The following ADAMTS9 variants were observed in gnomAD, a reference collection of about 807,000 sequenced individuals.
ADAMTS9 encodes the protein A disintegrin and metalloproteinase with thrombospondin motifs 9.
ADAMTS9 carries 107 observed loss-of-function variants against 257.1 expected under a neutral mutation model. The ratio of observed to expected loss-of-function variants is 0.42; its 90% CI spans 0.36 to 0.49. The LOEUF is 0.49. Among genes scored for constraint, ADAMTS9 ranks in the 20% least tolerant of loss-of-function variants. The pLI, the probability that ADAMTS9 is intolerant of heterozygous loss-of-function variation, is 0.03. For synonymous variants in ADAMTS9, 982 were observed against 880.9 expected (o/e 1.11, Z -2.03); for missense variants, 2,353 against 2,469.1 (o/e 0.95, Z 1.00).
chr3:64,654,819 TTTC>T, intron 6 of ADAMTS9: 1 of 584,838 alleles, frequency 1.7e-6, no homozygotes, highest in South Asian at 2.3e-5. Context: ...ATTAAGAAGT[TTTC>T]TTCTGTGGTC....
In ADAMTS9 at chr3:64,621,340, G is replaced by A. The variant is rs1049634282; in HGVS notation, c.2687-100C>T. 7.5e-6 allele frequency: 10 copies of A among 1,331,210 alleles called. No homozygotes were observed. In the African/African-American group the frequency reaches 1.0e-4, roughly 14 times the overall value. 82.5% of individuals were successfully genotyped at this position (1,331,210 alleles called of 1,614,324 possible). ...AGCATTTTCTCTAAAGAGCCAGACAGTAAATATCTTCAGAGCGTATGATCT... is the reference window on the plus strand; with the variant it reads ...AGCATTTTCTCTAAAGAGCCAGACAATAAATATCTTCAGAGCGTATGATCT... On this transcript the variant is annotated intron_variant, in intron 18 of 39. Coordinates refer to ENST00000498707, the MANE Select transcript of ADAMTS9 (RefSeq NM_182920.2).
chr3:64,529,569 C>T (rs966721331), intron 38 of ADAMTS9, among the ~76,000 whole-genome samples: 1 of 152,184 alleles, frequency 6.6e-6, no homozygotes, highest in Non-Finnish European at 1.5e-5. Flanking sequence ...GCCACAGGCC[C>T]TCGGGGGCCA....
intron 30 of ADAMTS9, among the ~76,000 whole-genome samples, chr3:64,560,956 A>G (rs1170775501): frequency 6.6e-6 from 1 of 152,126 alleles, no homozygotes; most frequent in Non-Finnish European, 1.5e-5. Flanking sequence ...ACTTTTCCCC[A>G]TGGACACAAT....
rs551347904 is a variant in ADAMTS9 at position 64,537,332 on chromosome 3, T to G, written c.5613+1871A>C. On this transcript the variant is annotated intron_variant, in intron 37 of 39. Coordinates refer to ENST00000498707, the MANE Select transcript of ADAMTS9 (RefSeq NM_182920.2). Reference sequence around the variant, plus strand: ...GGATGTGCATATAGAAACAAGAAAATCCTGAGACATTTGAAAAAGGCAGGA... The same window carrying G: ...GGATGTGCATATAGAAACAAGAAAAGCCTGAGACATTTGAAAAAGGCAGGA... Among the ~76,000 whole-genome samples, 11 of 152,184 alleles carry G rather than the reference T, an allele frequency of 7.2e-5. No individual in the cohort carries two copies. The East Asian group carries it at 1.9e-3, about 27-fold the overall frequency.
intron 11 of ADAMTS9, 47 bp downstream of exon 11, chr3:64,647,893 G>T (rs1188528906): frequency 5.2e-6 from 8 of 1,542,962 alleles, no homozygotes; most frequent in Middle Eastern, 1.7e-4. Flanking sequence ...CCAAAATCTT[G>T]CACATTTCTG....
intron 28 of ADAMTS9, among the ~76,000 whole-genome samples, chr3:64,569,899 T>C (rs1262044759): frequency 6.6e-6 from 1 of 152,170 alleles, no homozygotes; most frequent in Non-Finnish European, 1.5e-5. Flanking sequence ...GAAATATCTA[T>C]ACCAAAACAA....
rs763051413 is a variant in ADAMTS9 at position 64,568,371 on chromosome 3, A to T, written c.4521T>A (p.Ser1507Arg). 2.5e-6 allele frequency: 4 copies of T among 1,608,800 alleles called. No individual in the cohort carries two copies. Among genetic ancestry groups the T allele is most frequent in the Non-Finnish European group, 3.4e-6 (4 of 1,178,546 alleles). ...RCPKWKAGAW[S>R]QCSVSCGRGV... ...GTAGAGGAGAAGCATTGCTCACCTG[A>T]CTCCAAGCGCCAGCTTTCCATTTGG... Residue 1507 changes from serine to arginine, a missense_variant, in exon 29 of 40, where the codon AGT (serine) becomes AGA (arginine). Physicochemically the swap from Ser to Arg is moderately radical, Grantham distance 110 (BLOSUM62 -1). Transcript: ENST00000498707.
chr3:64,539,300 G>C lies in ADAMTS9; in HGVS notation c.5522-6C>G. 1 of 1,612,638 alleles carries C rather than the reference G, an allele frequency of 6.2e-7. No individual in the cohort carries two copies. The highest frequency in any genetic ancestry group is 1.3e-5 in the African/African-American group (1 of 75,038). On this transcript the variant is annotated splice_polypyrimidine_tract_variant and splice_region_variant and intron_variant, in intron 36 of 39. Transcript: ENST00000498707. ...TGCAAACTGTAAGTCAGTGGCTGTG[G>C]GGTGGAGAAGGGGTTAAAGGCAGGG...
rs1701141963 is a variant in ADAMTS9, at chr3:64,658,574, C to T, written c.897G>A (p.Val299=). 3 of 1,614,118 alleles carry T rather than the reference C, an allele frequency of 1.9e-6. No individual in the cohort carries two copies. Among genetic ancestry groups the T allele is most frequent in the Non-Finnish European group, 1.7e-6 (2 of 1,180,012 alleles). The change falls in exon 4 of 40, where the codon GTG becomes GTA. Residue 299 remains valine (V), a synonymous_variant. Transcript: ENST00000498707. The part of the protein sequence containing the change: ...LSYPRFVEVL[V]VADNRMVSYH... ...ATGAAACCATTCTGTTGTCTGCCACCACCAAGACTTCTACAAACCGTGGAT... is the reference window on the plus strand; with the variant it reads ...ATGAAACCATTCTGTTGTCTGCCACTACCAAGACTTCTACAAACCGTGGAT...
chr3:64,631,409 G>A, intron 16 of ADAMTS9, 46 bp downstream of exon 16: 1 of 1,476,426 alleles, frequency 6.8e-7, no homozygotes, highest in Non-Finnish European at 9.5e-7. Context: ...TCTGGCCACT[G>A]CTCCATAGAA....
At chr3:64,629,409 C>A (rs527798274) in intron 16 of ADAMTS9, among the ~76,000 whole-genome samples, 1 of 152,304 alleles carries the variant, frequency 6.6e-6, no homozygotes, top group Non-Finnish European at 1.5e-5. Context: ...CTTGTTTAAC[C>A]TTACCTAGGA....
intron 31 of ADAMTS9, among the ~76,000 whole-genome samples, chr3:64,548,690 G>A (rs114041680): frequency 1.3e-3 from 204 of 152,202 alleles, no homozygotes; most frequent in African/African-American, 4.8e-3. Flanking sequence ...TCTCTATAAA[G>A]AAGCTGGCAA....
At chr3:64,539,143 A>G in intron 37 of ADAMTS9, 60 bp downstream of exon 37, 1 of 1,477,892 alleles carries the variant, frequency 6.8e-7, no homozygotes. Context: ...GCAACTGAGG[A>G]TGTTCCCGGG....
At chr3:64,576,340 C>T (rs1359856652) in intron 28 of ADAMTS9, among the ~76,000 whole-genome samples, 1 of 152,200 alleles carries the variant, frequency 6.6e-6, no homozygotes, top group East Asian at 1.9e-4. Flanking sequence ...TCCACAGTCA[C>T]TCACTTCCCT....
At chr3:64,604,367 T>G (rs1279552143) in intron 23 of ADAMTS9, 36 bp from the exon 24 acceptor site, 1 of 1,424,198 alleles carries the variant, frequency 7.0e-7, no homozygotes, top group East Asian at 2.3e-5. Flanking sequence ...CAAAGTCACT[T>G]TCAAGTCAAT....
At chr3:64,670,974 A>G (rs938269501) in intron 3 of ADAMTS9, among the ~76,000 whole-genome samples, 1 of 152,220 alleles carries the variant, frequency 6.6e-6, no homozygotes, top group Non-Finnish European at 1.5e-5. Flanking sequence ...TTTGAAAAAT[A>G]TATTGGCAGT....
At position 64,539,186 on chromosome 3, in the gene ADAMTS9, A is replaced by G. The variant is rs1444969589; in HGVS notation, c.5613+17T>C. 3.1e-6 allele frequency: 5 copies of G among 1,601,246 alleles called. No individual in the cohort carries two copies. The Middle Eastern group carries it at 5.0e-4, about 159-fold the overall frequency. ...GGAGGTGAATCCCTGGCAAGGGGGA[A>G]GGCACCAAGGACATACCTGTGGGCA... On this transcript the variant is annotated intron_variant, in intron 37 of 39. Coordinates refer to ENST00000498707, the MANE Select transcript of ADAMTS9 (RefSeq NM_182920.2).
At chr3:64,676,515 T>G (rs1039729622) in intron 3 of ADAMTS9, among the ~76,000 whole-genome samples, 5 of 121,694 alleles carry the variant, frequency 4.1e-5, no homozygotes, top group Non-Finnish European at 7.0e-5. Context: ...AAATAGAGTT[T>G]ATCATTAAAA....
intron 19 of ADAMTS9, among the ~76,000 whole-genome samples, chr3:64,620,552 A>G (rs1700079706): frequency 6.6e-6 from 1 of 152,198 alleles, no homozygotes; most frequent in Non-Finnish European, 1.5e-5. Flanking sequence ...AAGCTTCAGA[A>G]TGCTCTACCC....
Sources: gnomAD v4.1 joint callset for allele counts (sites outside exome capture counted in the v4.1 genomes callset) on GRCh38, gnomAD v4.1.1 for gene constraint, MANE v1.5 for transcripts, NCBI Gene and HGNC (gene_info 2026-07-23, HGNC 2026-07-21) for gene names.